SCN10A: variants seen among roughly 807,000 people sequenced by gnomAD.
The protein encoded by SCN10A is sodium channel protein type 10 subunit alpha.
In SCN10A, 162 loss-of-function variants were observed where a neutral mutation model predicts 170.7. The observed-to-expected ratio is 0.95, with a 90% CI of 0.84 to 1.08. The LOEUF is 1.08. SCN10A is among the 50% of genes least tolerant of loss of function. The pLI, the probability that SCN10A is intolerant of heterozygous loss-of-function variation, is 0.00. For synonymous variants in SCN10A, 985 were observed against 904.6 expected (o/e 1.09, Z -1.59); for missense variants, 2,527 against 2,436.9 (o/e 1.04, Z -0.78).
chr3:38,798,346 G>A (rs1449494440), intron 1 of SCN10A, among the ~76,000 whole-genome samples: 1 of 152,124 alleles, frequency 6.6e-6, no homozygotes, highest in Admixed American at 6.6e-5. Flanking sequence ...AAAGCCCTGG[G>A]CAGACAGAGG....
At chr3:38,784,653 A>T (rs2064177081) in intron 4 of SCN10A, among the ~76,000 whole-genome samples, 1 of 152,202 alleles carries the variant, frequency 6.6e-6, no homozygotes, top group African/African-American at 2.4e-5. Context: ...AAGAGAAAGA[A>T]ATAAGGGGTA....
chr3:38,698,201 T>C lies in SCN10A; in HGVS notation c.5019A>G (p.Thr1673=), dbSNP rs769686936. 6.2e-7 allele frequency: 1 copy of C among 1,614,100 alleles called. No individual in the cohort carries two copies. Among genetic ancestry groups the C allele is most frequent in the Non-Finnish European group, 8.5e-7 (1 of 1,179,996 alleles). ...WDGLLSPILN[T]GPPYCDPNLP... ...GATTGGGGTCACAGTAGGGGGGCCC[T>C]GTGTTGAGGATGGGGCTGAGGAGGC... Residue 1673 remains threonine, a synonymous_variant, in exon 28 of 28, where the codon ACA becomes ACG. Coordinates refer to ENST00000449082, the MANE Select transcript of SCN10A (RefSeq NM_006514.4).
chr3:38,788,087 T>C (rs767547476), intron 4 of SCN10A, among the ~76,000 whole-genome samples: 6 of 152,084 alleles, frequency 3.9e-5, no homozygotes, highest in Non-Finnish European at 7.4e-5. Context: ...TTTAAAATTA[T>C]AAATGGAAAT....
In SCN10A at chr3:38,761,340, T is replaced by A. The variant is rs1209323370; in HGVS notation, c.735A>T (p.Lys245Asn). 1.2e-6 allele frequency: 2 copies of A among 1,613,860 alleles called. No individual in the cohort carries two copies. The highest frequency in any genetic ancestry group is 2.2e-5 in the East Asian group (1 of 44,882). The change falls in exon 7 of 28, where the codon AAA (lysine) becomes AAT (asparagine). Residue 245 changes from lysine (K) to asparagine (N), a missense_variant. Coordinates refer to ENST00000449082, the MANE Select transcript of SCN10A (RefSeq NM_006514.4). ...TGGTGAGGATGGTCACATCAGCCAGTTTCTTCACTGAGTGAATCAGGGCCC... is the reference window on the plus strand; with the variant it reads ...TGGTGAGGATGGTCACATCAGCCAGATTCTTCACTGAGTGAATCAGGGCCC... ...IVGALIHSVK[K>N]LADVTILTIF...
At chr3:38,810,272 G>A (rs542051908) in intron 1 of SCN10A, among the ~76,000 whole-genome samples, 2 of 152,308 alleles carry the variant, frequency 1.3e-5, no homozygotes, top group East Asian at 3.9e-4. Context: ...TTTTGGGCAA[G>A]GTTCTAAGCA....
At position 38,756,702 on chromosome 3, in the gene SCN10A, G is replaced by T. The variant is rs1256986487; in HGVS notation, c.1262C>A (p.Ala421Asp). ...IEAKEKKFQE[A>D]LEMLRKEQEV... The stretch of plus-strand genomic sequence containing the variant: ...CTGCTCCTTCCGGAGCATCTCGAGG[G>T]CCTCCTGGAACTTCTTCTCCTTTGC... Residue 421 changes from alanine to aspartate, a missense_variant, in exon 10 of 28, where the codon GCC (alanine) becomes GAC (aspartate). Transcript: ENST00000449082. The T allele has an allele frequency of 1.2e-6, 2 of 1,613,988 alleles. No individual in the cohort carries two copies. The highest frequency in any genetic ancestry group is 1.1e-5 in the South Asian group (1 of 91,074).
chr3:38,808,399 A>G (rs552245085), intron 1 of SCN10A, among the ~76,000 whole-genome samples: 24 of 152,336 alleles, frequency 1.6e-4, no homozygotes, highest in Non-Finnish European at 3.1e-4. Flanking sequence ...CATAGGAACC[A>G]GTATTTCCTG....
At chr3:38,811,369 C>T (rs2064440361) in intron 1 of SCN10A, among the ~76,000 whole-genome samples, 1 of 150,954 alleles carries the variant, frequency 6.6e-6, no homozygotes, top group Admixed American at 6.6e-5. Context: ...AGGAGAATTG[C>T]TTGAACCTGG....
Position 38,750,355 on chromosome 3 carries a change from T to C in SCN10A, c.1756-171A>G, listed in dbSNP as rs115322672. ...AGGTGATTTCATCATTCTGTGAATA[T>C]CCTACATTGTATTTACACAAACAAA... On this transcript the variant is annotated intron_variant, in intron 12 of 27. Transcript: ENST00000449082. Among the ~76,000 whole-genome samples, 1,159 of 152,360 alleles carry C rather than the reference T, an allele frequency of 7.6e-3. 13 individuals are homozygous for C. The highest frequency in any genetic ancestry group is 0.025 in the African/African-American group (1,027 of 41,594).
intron 4 of SCN10A, among the ~76,000 whole-genome samples, chr3:38,778,998 G>A (rs796861842): frequency 7.9e-5 from 12 of 152,074 alleles, no homozygotes; most frequent in African/African-American, 2.9e-4. Flanking sequence ...ATAATTACTG[G>A]GAATGGAAAG....
chr3:38,718,792 G>A lies in SCN10A; in HGVS notation c.3542C>T (p.Thr1181Met), dbSNP rs150773437. The change falls in exon 21 of 28, where the codon ACG becomes ATG. Residue 1181 changes from threonine (T) to methionine (M), a missense_variant. By Grantham distance (81) the Thr-to-Met change is moderately conservative. Transcript: ENST00000449082. ...AGTGTACTCCAGCAAAGCTTTCACCGTGGGCTTCTGGTCCAGGTAATAGTC... is the reference window on the plus strand; with the variant it reads ...AGTGTACTCCAGCAAAGCTTTCACCATGGGCTTCTGGTCCAGGTAATAGTC... ...FEDYYLDQKP[T>M]VKALLEYTDR... 334 of 1,614,182 alleles carry A rather than the reference G, an allele frequency of 2.1e-4. 2 individuals carry two copies. The East Asian group carries it at 5.6e-3, about 27-fold the overall frequency.
chr3:38,809,989 T>C (rs2064429860), intron 1 of SCN10A, among the ~76,000 whole-genome samples: 1 of 152,130 alleles, frequency 6.6e-6, no homozygotes, highest in Non-Finnish European at 1.5e-5. Flanking sequence ...TGTCACAATA[T>C]GAATGCCACA....
chr3:38,810,542 G>T (rs963831720), intron 1 of SCN10A, among the ~76,000 whole-genome samples: 2 of 152,156 alleles, frequency 1.3e-5, no homozygotes, highest in East Asian at 1.9e-4. Context: ...TCTTGGTCTT[G>T]TCTGTCTAAA....
At chr3:38,772,461 G>A (rs1238662128) in intron 4 of SCN10A, among the ~76,000 whole-genome samples, 2 of 152,126 alleles carry the variant, frequency 1.3e-5, no homozygotes, top group Non-Finnish European at 2.9e-5. Flanking sequence ...AGGCCGAGGC[G>A]GGCAGATTAC....
chr3:38,781,767 T>C (rs1285323091), intron 4 of SCN10A, among the ~76,000 whole-genome samples: 1 of 152,158 alleles, frequency 6.6e-6, no homozygotes, highest in Non-Finnish European at 1.5e-5. Context: ...GTTATAATGA[T>C]TTAATATTTA....
chr3:38,770,142 A>C (rs10212535), intron 5 of SCN10A, among the ~76,000 whole-genome samples: 1,974 of 152,204 alleles, frequency 0.013, 44 homozygotes, highest in African/African-American at 0.044. Context: ...CCTGGGATCA[A>C]AGTTATTCTG....
chr3:38,757,530 G>T (rs1407691545), intron 8 of SCN10A, among the ~76,000 whole-genome samples: 1 of 152,150 alleles, frequency 6.6e-6, no homozygotes, highest in Non-Finnish European at 1.5e-5. Context: ...ATCAAGGGAG[G>T]TCTCACATTA....
chr3:38,754,951 G>C (rs1024519694), intron 11 of SCN10A, among the ~76,000 whole-genome samples: 4 of 152,074 alleles, frequency 2.6e-5, no homozygotes, highest in African/African-American at 9.7e-5. Flanking sequence ...CCTATAGAAA[G>C]GGCATATTTG....
At position 38,712,363 on chromosome 3, in the gene SCN10A, C is replaced by T; in HGVS notation, c.3887G>A (p.Ser1296Asn). 6.2e-7 allele frequency: 1 copy of T among 1,614,190 alleles called. No homozygotes were observed. The highest frequency in any genetic ancestry group is 8.5e-7 in the Non-Finnish European group (1 of 1,180,016). ...LVCLIFWLIF[S>N]IMGVNLFAGK... Reference sequence around the variant, plus strand: ...TGCGAAGAGGTTCACACCCATGATGCTGAAGATGAGCCAGAAGATGAGGCA... The same window carrying T: ...TGCGAAGAGGTTCACACCCATGATGTTGAAGATGAGCCAGAAGATGAGGCA... The change falls in exon 23 of 28, where the codon AGC becomes AAC. Residue 1296 changes from serine (S) to asparagine (N), a missense_variant. Physicochemically the swap from Ser to Asn is conservative, Grantham distance 46 (BLOSUM62 1). Coordinates refer to ENST00000449082, the MANE Select transcript of SCN10A (RefSeq NM_006514.4).
Sources: gnomAD v4.1 joint callset for allele counts (sites outside exome capture counted in the v4.1 genomes callset) on GRCh38, gnomAD v4.1.1 for gene constraint, MANE v1.5 for transcripts, NCBI Gene and HGNC (gene_info 2026-07-23, HGNC 2026-07-21) for gene names.